Variants in SGCZ observed in about 807,000 individuals in gnomAD.
SGCZ encodes the protein sarcoglycan zeta, also known as zeta-sarcoglycan.
SGCZ carries 40 observed loss-of-function variants against 41.3 expected under a neutral mutation model. The ratio of observed to expected loss-of-function variants is 0.97; its 90% confidence interval spans 0.75 to 1.26. SGCZ has a LOEUF of 1.26. Ranked by LOEUF, SGCZ falls within the 50% of genes most tolerant of loss-of-function variation. SGCZ has a pLI of 0.00. For synonymous variants in SGCZ, 206 were observed against 137.5 expected (o/e 1.50, Z -3.49); for missense variants, 552 against 369.8 (o/e 1.49, Z -4.04).
chr8:14,389,128 T>C (rs1804672015), intron 2 of SGCZ, among the ~76,000 whole-genome samples: 1 of 151,984 alleles, frequency 6.6e-6, no homozygotes, highest in African/African-American at 2.4e-5. Flanking sequence ...ATGTGGCAGA[T>C]TAAATACTGT....
chr8:15,065,748 G>C (rs921631525), intron 1 of SGCZ, among the ~76,000 whole-genome samples: 1 of 151,932 alleles, frequency 6.6e-6, no homozygotes, highest in Non-Finnish European at 1.5e-5. Context: ...TGTAATTCTT[G>C]AGTCACTTAT....
chr8:15,175,139 G>C (rs928860247), intron 1 of SGCZ, among the ~76,000 whole-genome samples: 1 of 151,926 alleles, frequency 6.6e-6, no homozygotes, highest in African/African-American at 2.4e-5. Flanking sequence ...AATTTAAAAA[G>C]GAAGAAAGAA....
At chr8:14,291,175 G>T (rs1214497080) in intron 3 of SGCZ, among the ~76,000 whole-genome samples, 1 of 152,022 alleles carries the variant, frequency 6.6e-6, no homozygotes, top group Non-Finnish European at 1.5e-5. Flanking sequence ...GAGAGTCAGG[G>T]AAATTATTAA....
chr8:14,178,999 A>C (rs954112808), intron 4 of SGCZ, among the ~76,000 whole-genome samples: 1 of 152,234 alleles, frequency 6.6e-6, no homozygotes, highest in Non-Finnish European at 1.5e-5. Flanking sequence ...ATTGAGCTAA[A>C]GACAAGGATT....
At chr8:14,265,176 T>C (rs190624574) in intron 3 of SGCZ, among the ~76,000 whole-genome samples, 8 of 152,286 alleles carry the variant, frequency 5.3e-5, no homozygotes, top group Admixed American at 5.2e-4. Flanking sequence ...GATTTCAAAA[T>C]AGCTTTAAAA....
chr8:14,580,657 G>T (rs1359535396), intron 1 of SGCZ, among the ~76,000 whole-genome samples: 1 of 152,152 alleles, frequency 6.6e-6, no homozygotes, highest in African/African-American at 2.4e-5. Context: ...ACATGGATTA[G>T]GACAAAATTA....
chr8:14,948,260 G>A (rs1037644995), intron 1 of SGCZ, among the ~76,000 whole-genome samples: 4 of 152,056 alleles, frequency 2.6e-5, no homozygotes. Flanking sequence ...AACTGTCAAA[G>A]GACTTTGAAT....
chr8:14,588,410 A>G (rs1805131439), intron 1 of SGCZ, among the ~76,000 whole-genome samples: 1 of 152,124 alleles, frequency 6.6e-6, no homozygotes, highest in Admixed American at 6.5e-5. Context: ...ACATCATTTG[A>G]AAGTAAATAC....
chr8:14,729,202 T>A (rs1418320373), intron 1 of SGCZ, among the ~76,000 whole-genome samples: 1 of 152,138 alleles, frequency 6.6e-6, no homozygotes, highest in East Asian at 1.9e-4. Flanking sequence ...TATTTCTAAT[T>A]TGATTTCCCC....
At chr8:14,842,843 C>G (rs1031859935) in intron 1 of SGCZ, among the ~76,000 whole-genome samples, 1 of 152,114 alleles carries the variant, frequency 6.6e-6, no homozygotes, top group Admixed American at 6.6e-5. Context: ...GCATTGAAAA[C>G]GGGATGCTCC....
At chr8:14,835,156 A>T (rs1234182531) in intron 1 of SGCZ, among the ~76,000 whole-genome samples, 1 of 152,202 alleles carries the variant, frequency 6.6e-6, no homozygotes, top group Non-Finnish European at 1.5e-5. Flanking sequence ...TTCTTAGATC[A>T]TCCTAATATT....
At chr8:14,266,971 G>A (rs184001129) in intron 3 of SGCZ, among the ~76,000 whole-genome samples, 7 of 152,156 alleles carry the variant, frequency 4.6e-5, no homozygotes, top group Admixed American at 3.9e-4. Context: ...AAGGAACTAG[G>A]ACAAAAGTGG....
intron 5 of SGCZ, among the ~76,000 whole-genome samples, chr8:14,164,015 C>T (rs1045679912): frequency 1.3e-5 from 2 of 152,194 alleles, no homozygotes; most frequent in South Asian, 2.1e-4. Flanking sequence ...CCTGGTCCCA[C>T]TTTTACCTTT....
chr8:14,290,782 G>C (rs1318673246), intron 3 of SGCZ, among the ~76,000 whole-genome samples: 3 of 152,006 alleles, frequency 2.0e-5, no homozygotes, highest in Admixed American at 6.6e-5. Flanking sequence ...ACAGTATGGA[G>C]GTTCCCTCAT....
At chr8:15,189,258 A>C (rs1164807426) in intron 1 of SGCZ, among the ~76,000 whole-genome samples, 1 of 152,192 alleles carries the variant, frequency 6.6e-6, no homozygotes, top group Non-Finnish European at 1.5e-5. Context: ...AAGAGAACTA[A>C]GAGCAAAGAG....
At chr8:14,124,229 T>C (rs921533622) in intron 5 of SGCZ, among the ~76,000 whole-genome samples, 1 of 152,216 alleles carries the variant, frequency 6.6e-6, no homozygotes, top group Non-Finnish European at 1.5e-5. Context: ...TTTTAAAATG[T>C]AGGCAGTCCA....
intron 2 of SGCZ, among the ~76,000 whole-genome samples, chr8:14,518,033 ACT>A (rs917189939): frequency 6.6e-5 from 10 of 151,688 alleles, no homozygotes; most frequent in African/African-American, 2.4e-4. Flanking sequence ...ATATATTAAA[ACT>A]CTGAGAAAAT....
intron 1 of SGCZ, among the ~76,000 whole-genome samples, chr8:14,749,060 G>A (rs1035595703): frequency 1.3e-5 from 2 of 151,858 alleles, no homozygotes; most frequent in Non-Finnish European, 2.9e-5. Flanking sequence ...TCTATCTAAT[G>A]AATTCTAATA....
chr8:14,554,177 G>A (rs937874543), intron 2 of SGCZ, among the ~76,000 whole-genome samples: 1 of 151,928 alleles, frequency 6.6e-6, no homozygotes, highest in Admixed American at 6.6e-5. Context: ...TTCCATTTAC[G>A]AGGGATGTGC....
Sources: gnomAD v4.1 joint callset for allele counts (sites outside exome capture counted in the v4.1 genomes callset) on GRCh38, gnomAD v4.1.1 for gene constraint, MANE v1.5 for transcripts, NCBI Gene and HGNC (gene_info 2026-07-23, HGNC 2026-07-21) for gene names.